Variants in ARHGAP32 observed in about 807,000 individuals in gnomAD.
ARHGAP32 encodes the protein rho GTPase-activating protein 32.
ARHGAP32 carries 51 observed loss-of-function variants against 186.5 expected under a neutral mutation model. The observed-to-expected ratio is 0.27, with a 90% confidence interval of 0.22 to 0.35. The LOEUF (loss-of-function observed/expected upper bound fraction) is 0.35, where lower values mean the gene tolerates loss of function less well. Among genes scored for constraint, ARHGAP32 ranks in the 10% least tolerant of loss-of-function variants. ARHGAP32 has a pLI of 1.00. For synonymous variants in ARHGAP32, 950 were observed against 964.3 expected (o/e 0.99, Z 0.27); for missense variants, 2,186 against 2,623.5 (o/e 0.83, Z 3.64).
chr11:129,015,119 G>A (rs911202899), intron 11 of ARHGAP32, among the ~76,000 whole-genome samples: 1 of 152,030 alleles, frequency 6.6e-6, no homozygotes, highest in Non-Finnish European at 1.5e-5. Flanking sequence ...GTTAAGAATT[G>A]GAAAAAAGTG....
intron 15 of ARHGAP32, among the ~76,000 whole-genome samples, chr11:128,983,064 A>G (rs1185119147): frequency 6.6e-6 from 1 of 152,170 alleles, no homozygotes; most frequent in Non-Finnish European, 1.5e-5. Context: ...TAGACTCGGC[A>G]TTAGGCATTG....
chr11:128,977,592 C>A (rs538943410), intron 19 of ARHGAP32, among the ~76,000 whole-genome samples: 1 of 152,132 alleles, frequency 6.6e-6, no homozygotes, highest in Admixed American at 6.5e-5. Flanking sequence ...TCCTTGAAAA[C>A]CCATATCAAA....
At chr11:129,181,495 G>A (rs1186752601) in intron 1 of ARHGAP32, among the ~76,000 whole-genome samples, 1 of 152,052 alleles carries the variant, frequency 6.6e-6, no homozygotes, top group East Asian at 1.9e-4. Context: ...GCTTATCATA[G>A]GGTGCAATAA....
At position 129,238,756 on chromosome 11, in the gene ARHGAP32, A is replaced by AACACACAC. The variant is rs71057936; in HGVS notation, c.-5+40382_-5+40389dup. On this transcript the variant is annotated intron_variant, in intron 1 of 6. Transcript: ENST00000525234. ...TTGCATAATCATAGAACTTATTTTA[A>AACACACAC]ACACACACACACACACACACACACA... Among the ~76,000 whole-genome samples the AACACACAC allele has an allele frequency of 6.9e-3, 1,018 of 148,352 alleles. 10 individuals carry two copies. The highest frequency in any genetic ancestry group is 9.6e-3 in the Non-Finnish European group (643 of 67,202).
chr11:129,252,737 G>A lies in ARHGAP32; in HGVS notation c.-5+26409C>T, dbSNP rs145475926. 1.4e-3 allele frequency among the ~76,000 whole-genome samples: 216 copies of A among 152,256 alleles called. 1 individual carries two copies. Among genetic ancestry groups the A allele is most frequent in the Admixed American group, 4.3e-3 (66 of 15,294 alleles). Reference sequence around the variant, plus strand: ...GCAAAGAGGTAAATGACTATTAACCGTAAAAGAACCACAGTCTCGGGGAGG... The same window carrying A: ...GCAAAGAGGTAAATGACTATTAACCATAAAAGAACCACAGTCTCGGGGAGG... On this transcript the variant is annotated intron_variant, in intron 1 of 6. Coordinates refer to the ARHGAP32 transcript ENST00000525234.
intron 1 of ARHGAP32, among the ~76,000 whole-genome samples, chr11:129,215,146 C>G (rs890299809): frequency 6.6e-6 from 1 of 152,188 alleles, no homozygotes; most frequent in Non-Finnish European, 1.5e-5. Context: ...GCTATTCTTA[C>G]AACCACAGGG....
intron 6 of ARHGAP32, among the ~76,000 whole-genome samples, chr11:129,082,955 T>C (rs966702951): frequency 2.6e-5 from 4 of 152,058 alleles, no homozygotes; most frequent in African/African-American, 7.2e-5. Context: ...TAAACAGTTA[T>C]CAAAAGAAGA....
At chr11:129,036,242 T>G (rs1939330550) in intron 11 of ARHGAP32, among the ~76,000 whole-genome samples, 1 of 151,804 alleles carries the variant, frequency 6.6e-6, no homozygotes, top group South Asian at 2.1e-4. Flanking sequence ...TAGCCGGGCA[T>G]GGTGGCATAT....
chr11:129,105,045 T>C (rs188517458), intron 5 of ARHGAP32, among the ~76,000 whole-genome samples: 1 of 152,186 alleles, frequency 6.6e-6, no homozygotes, highest in Admixed American at 6.5e-5. Context: ...GAAGAACTGA[T>C]GCAAGGTGCT....
chr11:129,038,862 G>A (rs1480358709), intron 11 of ARHGAP32, among the ~76,000 whole-genome samples: 2 of 138,784 alleles, frequency 1.4e-5, no homozygotes, highest in Non-Finnish European at 3.0e-5. Flanking sequence ...ACTGCAGCCT[G>A]TGGTGACAAA....
intron 1 of ARHGAP32, among the ~76,000 whole-genome samples, chr11:129,257,724 G>C (rs1364076076): frequency 8.5e-6 from 1 of 117,542 alleles, no homozygotes; most frequent in Admixed American, 8.5e-5. Flanking sequence ...AAAAAAAACA[G>C]AACTTCTTAA....
chr11:129,138,934 G>A (rs1942991934), intron 2 of ARHGAP32, among the ~76,000 whole-genome samples: 1 of 152,138 alleles, frequency 6.6e-6, no homozygotes, highest in Non-Finnish European at 1.5e-5. Flanking sequence ...GTTAATCACA[G>A]AATTTGAACT....
intron 2 of ARHGAP32, among the ~76,000 whole-genome samples, chr11:129,155,214 T>G (rs1292225320): frequency 6.6e-6 from 1 of 152,236 alleles, no homozygotes; most frequent in Non-Finnish European, 1.5e-5. Context: ...CGTGGCACAC[T>G]ATACAGTATC....
In ARHGAP32 at chr11:129,015,054, T is replaced by C. The variant is rs565375033; in HGVS notation, c.1046-16586A>G. Reference sequence around the variant, plus strand: ...TCTCTAGACAACTATCAAATCCATTTAATGAACTAAAAATGTTCTGAAAAT... The same window carrying C: ...TCTCTAGACAACTATCAAATCCATTCAATGAACTAAAAATGTTCTGAAAAT... On this transcript the variant is annotated intron_variant, in intron 11 of 22. Transcript: ENST00000682385. Among the ~76,000 whole-genome samples the C allele has an allele frequency of 1.0e-3, 152 of 152,326 alleles. 2 individuals are homozygous for C. The highest frequency in any genetic ancestry group is 1.9e-3 in the Non-Finnish European group (132 of 68,012).
chr11:129,245,735 G>A (rs78782091), intron 1 of ARHGAP32, among the ~76,000 whole-genome samples: 1,936 of 150,954 alleles, frequency 0.013, 22 homozygotes, highest in Non-Finnish European at 0.016. Flanking sequence ...CCTCCTATCA[G>A]CTTAGTATAT....
chr11:129,084,846 G>C (rs768466476), intron 6 of ARHGAP32, among the ~76,000 whole-genome samples: 4 of 151,972 alleles, frequency 2.6e-5, no homozygotes, highest in Non-Finnish European at 5.9e-5. Flanking sequence ...GATTGGAAAG[G>C]AATAAAACTT....
intron 1 of ARHGAP32, among the ~76,000 whole-genome samples, chr11:129,278,402 T>C (rs1485033459): frequency 6.6e-6 from 1 of 152,148 alleles, no homozygotes; most frequent in Non-Finnish European, 1.5e-5. Flanking sequence ...CATCTTCAAG[T>C]TTCACAAACA....
chr11:129,186,651 C>A (rs1327488850), intron 1 of ARHGAP32, among the ~76,000 whole-genome samples: 5 of 151,802 alleles, frequency 3.3e-5, no homozygotes, highest in African/African-American at 1.2e-4. Context: ...TATAAGGAGC[C>A]CAAACAACTC....
chr11:129,256,257 T>C (rs1945252840), intron 1 of ARHGAP32, among the ~76,000 whole-genome samples: 1 of 152,118 alleles, frequency 6.6e-6, no homozygotes, highest in Admixed American at 6.6e-5. Context: ...AATATGTATG[T>C]TCTATGCACG....
Sources: allele counts gnomAD v4.1 joint callset (sites outside exome capture counted in the v4.1 genomes callset), GRCh38; gene constraint gnomAD v4.1.1; transcripts MANE v1.5; gene names NCBI Gene and HGNC (gene_info 2026-07-23, HGNC 2026-07-21).